Variants in DYSF observed in about 807,000 individuals in gnomAD.
DYSF encodes dysferlin.
Under a neutral mutation model 274.9 loss-of-function variants are expected in DYSF, and 212 were observed. That is an observed-to-expected ratio of 0.77 (90% confidence interval 0.69 to 0.86). The LOEUF (loss-of-function observed/expected upper bound fraction) is 0.86, where lower values mean the gene tolerates loss of function less well. DYSF is among the 40% of genes least tolerant of loss of function. DYSF has a pLI of 0.00. For synonymous variants in DYSF, 1,091 were observed against 1,078.7 expected (o/e 1.01, Z -0.22); for missense variants, 2,666 against 2,783.2 (o/e 0.96, Z 0.95).
At chr2:71,526,085 TAGTA>T (rs1175212655) in intron 12 of DYSF, 131 bp from the exon 13 acceptor site, 5 of 1,498,292 alleles carry the variant, frequency 3.3e-6, no homozygotes, top group Non-Finnish European at 4.6e-6. Context: ...GACCACGCGG[TAGTA>T]AGTGTCGGAG....
chr2:71,656,162 G>A lies in DYSF; in HGVS notation c.4627G>A (p.Val1543Ile), dbSNP rs143895253. 150 of 1,614,016 alleles carry A rather than the reference G, an allele frequency of 9.3e-5. No individual in the cohort carries two copies. The African/African-American group carries it at 1.9e-3, about 20-fold the overall frequency. The change falls in exon 43 of 56, where the codon GTC becomes ATC. Residue 1543 changes from valine to isoleucine, a missense_variant and splice_region_variant. By Grantham distance (29) the Val-to-Ile change is conservative. Transcript: ENST00000410020. The stretch of plus-strand genomic sequence containing the variant: ...CTCCTCTAATCCCCATGTGTGGCAG[G>A]TCTATGACACACAGCTGGAGAATGT... ...YLEKDFDTLKVYDTQLENVEA... is the reference protein window; with the variant it reads ...YLEKDFDTLKIYDTQLENVEA...
At chr2:71,678,897 G>A (rs1052687427) in intron 52 of DYSF, among the ~76,000 whole-genome samples, 160 bp from the exon 53 acceptor site, 5 of 152,182 alleles carry the variant, frequency 3.3e-5, no homozygotes, top group African/African-American at 7.2e-5. Context: ...ACAATGGGTA[G>A]GGAGGTGGAG....
chr2:71,516,203 C>G lies in DYSF; in HGVS notation c.912C>G (p.Asp304Glu). 6.2e-7 allele frequency: 1 copy of G among 1,614,228 alleles called. No individual in the cohort carries two copies. The highest frequency in any genetic ancestry group is 8.5e-7 in the Non-Finnish European group (1 of 1,180,052). Residue 304 changes from aspartate (D) to glutamate (E), a missense_variant, in exon 9 of 56, where the codon GAC becomes GAG. Around this residue, in one of 3 missense-constraint regions of DYSF, gnomAD observed 794 missense variants for 777.1 expected, o/e 1.02. Coordinates refer to ENST00000410020, the MANE Select transcript of DYSF (RefSeq NM_001130987.2). Reference sequence around the variant, plus strand: ...AGACTCTTTTCTTCAACTTGTTTGACTCTCCTGGGGAGCTGTTTGATGAGC... The same window carrying G: ...AGACTCTTTTCTTCAACTTGTTTGAGTCTCCTGGGGAGCTGTTTGATGAGC... ...FNETLFFNLF[D>E]SPGELFDEPI...
intron 7 of DYSF, 136 bp from the exon 8 acceptor site, chr2:71,515,487 C>T (rs1047920285): frequency 1.0e-5 from 13 of 1,303,048 alleles, no homozygotes; most frequent in Middle Eastern, 3.7e-4. Flanking sequence ...TAATGCTCTT[C>T]CTAATTCCTT....
chr2:71,625,226 T>C (rs1304591929), intron 41 of DYSF, among the ~76,000 whole-genome samples: 3 of 151,956 alleles, frequency 2.0e-5, no homozygotes, highest in African/African-American at 7.3e-5. Context: ...GTTATCACTT[T>C]ATCTCTTTCT....
At chr2:71,631,859 G>T (rs374693635) in intron 41 of DYSF, among the ~76,000 whole-genome samples, 5 of 151,952 alleles carry the variant, frequency 3.3e-5, no homozygotes, top group Admixed American at 2.0e-4. Flanking sequence ...CACACTGCAG[G>T]GGGGACAGCC....
In DYSF at chr2:71,546,226, C is replaced by T. The variant is rs79856873; in HGVS notation, c.1577-4815C>T. On this transcript the variant is annotated intron_variant, in intron 17 of 55. Transcript: ENST00000410020. Reference sequence around the variant, plus strand: ...CCTCAGAACGCGTCGCTCCAACTTTCCTTTCAGCCCTTTTTTATGTTGTTT... The same window carrying T: ...CCTCAGAACGCGTCGCTCCAACTTTTCTTTCAGCCCTTTTTTATGTTGTTT... Among the ~76,000 whole-genome samples, 1,473 of 152,378 alleles carry T rather than the reference C, an allele frequency of 9.7e-3. 9 individuals carry two copies. The highest frequency in any genetic ancestry group is 0.014 in the Non-Finnish European group (971 of 68,036).
rs146334029 is a variant in DYSF at position 71,678,071 on chromosome 2, C to T, written c.5885-986C>T. 3.1e-3 allele frequency among the ~76,000 whole-genome samples: 474 copies of T among 152,248 alleles called. 2 individuals carry two copies. The highest frequency in any genetic ancestry group is 4.4e-3 in the Non-Finnish European group (296 of 68,022). On this transcript the variant is annotated intron_variant, in intron 52 of 55. Coordinates refer to ENST00000410020, the MANE Select transcript of DYSF (RefSeq NM_001130987.2). ...TTGGATTTTGGAATAATTGCATATACTTAATAAGATATCTTTGGGATAGGA... is the reference window on the plus strand; with the variant it reads ...TTGGATTTTGGAATAATTGCATATATTTAATAAGATATCTTTGGGATAGGA...
chr2:71,598,303 C>T (rs757939995), intron 32 of DYSF, among the ~76,000 whole-genome samples: 5 of 152,248 alleles, frequency 3.3e-5, no homozygotes, highest in African/African-American at 4.8e-5. Context: ...GCTCAGGAAG[C>T]GGCAGAAAAG....
At chr2:71,580,996 T>C (rs1442695989) in intron 30 of DYSF, among the ~76,000 whole-genome samples, 1 of 152,206 alleles carries the variant, frequency 6.6e-6, no homozygotes, top group African/African-American at 2.4e-5. Flanking sequence ...TCTTCATCTG[T>C]CATTGCTAGA....
At chr2:71,617,917 TG>T (rs1209588109) in intron 40 of DYSF, among the ~76,000 whole-genome samples, 41 of 83,338 alleles carry the variant, frequency 4.9e-4, no homozygotes, top group Non-Finnish European at 6.8e-4. Context: ...TAGAGGTGTG[TG>T]TGTGTGGTAG....
rs57041989 is a variant in DYSF, at chr2:71,574,137, G to A, written c.3229-61G>A. On this transcript the variant is annotated intron_variant, in intron 29 of 55. Coordinates refer to ENST00000410020, the MANE Select transcript of DYSF (RefSeq NM_001130987.2). ...AAGACAGGAAGGCAAAGGTGGAGCC[G>A]AGCACAGAACTCCCCCCAGCCTTCC... 1.8e-3 allele frequency: 2,910 copies of A among 1,589,156 alleles called. 22 individuals are homozygous for A. Among genetic ancestry groups the A allele is most frequent in the East Asian group, 0.014 (614 of 44,554 alleles).
intron 5 of DYSF, 117 bp downstream of exon 5, chr2:71,512,038 G>A: frequency 2.7e-6 from 2 of 740,216 alleles, no homozygotes; most frequent in Non-Finnish European, 4.8e-6. Context: ...TCCCCAGGTT[G>A]GAGGCTGCCC....
chr2:71,522,593 C>A lies in DYSF; in HGVS notation c.1149+1689C>A, dbSNP rs1261867766. ...TTGAGGAGTCCGTCTCTTTCAGACA[C>A]CACCTGAGACTTGTAAATTGCTCTT... On this transcript the variant is annotated intron_variant, in intron 12 of 55. Transcript: ENST00000410020. 2.0e-5 allele frequency among the ~76,000 whole-genome samples: 3 copies of A among 152,298 alleles called. No homozygotes were observed. The East Asian group carries it at 5.8e-4, about 29-fold the overall frequency.
At chr2:71,589,716 T>C in intron 31 of DYSF, 30 bp downstream of exon 31, 1 of 1,576,732 alleles carries the variant, frequency 6.3e-7, no homozygotes, top group Admixed American at 1.7e-5. Context: ...CTCTATGGGG[T>C]GATAAGGGTG....
chr2:71,528,496 C>G, intron 14 of DYSF, 95 bp downstream of exon 14: 1 of 1,052,868 alleles, frequency 9.5e-7, no homozygotes, highest in Non-Finnish European at 1.4e-6. Flanking sequence ...GTGAGATGCC[C>G]CCACCAGAGG....
At chr2:71,466,641 G>T, upstream of DYSF, 1 of 1,303,068 alleles carries the variant, frequency 7.7e-7, no homozygotes, top group Non-Finnish European at 9.8e-7. Context: ...GCCGGAGGGG[G>T]AGGGTCCGCC....
At chr2:71,665,103 C>T (rs1004010992) in intron 46 of DYSF, 59 bp from the exon 47 acceptor site, 5 of 1,609,976 alleles carry the variant, frequency 3.1e-6, no homozygotes, top group Admixed American at 1.7e-5. Context: ...CCTGCATGCC[C>T]CTCTACCCTC....
intron 22 of DYSF, 103 bp from the exon 23 acceptor site, chr2:71,561,649 C>A: frequency 7.1e-7 from 1 of 1,400,610 alleles, no homozygotes; most frequent in Non-Finnish European, 1.0e-6. Context: ...AGCAGGCAGG[C>A]GGAGGGGGTG....
Sources: gnomAD v4.1 joint callset for allele counts (sites outside exome capture counted in the v4.1 genomes callset) on GRCh38, gnomAD v4.1.1 for gene constraint, gnomAD v4.1.1 regional missense constraint, MANE v1.5 for transcripts, NCBI Gene and HGNC (gene_info 2026-07-23, HGNC 2026-07-21) for gene names.